FAM135B: variants seen among roughly 807,000 people sequenced by gnomAD.
FAM135B encodes the protein family with sequence similarity 135 member B.
A neutral mutation model predicts 127.7 loss-of-function variants in FAM135B; 43 were observed. That is an observed-to-expected ratio of 0.34 (90% CI 0.26 to 0.43). The LOEUF is 0.43. FAM135B is among the 20% of genes least tolerant of loss of function. The pLI is 1.00. For missense variants in FAM135B, 1,558 were observed against 1,725.6 expected, an observed-to-expected ratio of 0.90 and a Z score of 1.72; for synonymous variants, 670 against 665.1, an observed-to-expected ratio of 1.01 and a Z score of -0.11.
chr8:138,484,833 A>G (rs1403187365), intron 1 of FAM135B, among the ~76,000 whole-genome samples: 1 of 151,544 alleles, frequency 6.6e-6, no homozygotes, highest in Non-Finnish European at 1.5e-5. Flanking sequence ...GGCCAACACA[A>G]GCTGGCCTGT....
chr8:138,385,105 A>G (rs144778923), intron 1 of FAM135B, among the ~76,000 whole-genome samples: 1 of 152,176 alleles, frequency 6.6e-6, no homozygotes, highest in Non-Finnish European at 1.5e-5. Flanking sequence ...CAGCTCAGAT[A>G]TGCCTGAGGC....
At chr8:138,251,050 G>A (rs2130491056) in intron 5 of FAM135B, 36 bp from the exon 6 acceptor site, 1 of 1,610,474 alleles carries the variant, frequency 6.2e-7, no homozygotes, top group South Asian at 1.1e-5. Context: ...GTGAGAAATG[G>A]TGGGTTGCCC....
intron 1 of FAM135B, among the ~76,000 whole-genome samples, chr8:138,472,651 GTGTTAAAGGGT>G (rs1202305130): frequency 3.9e-5 from 6 of 152,100 alleles, no homozygotes; most frequent in Non-Finnish European, 7.4e-5. Flanking sequence ...GAGGAAGGAG[GTGTTAAAGGGT>G]TGTCCAGCAA....
intron 1 of FAM135B, among the ~76,000 whole-genome samples, chr8:138,487,633 GT>G (rs1815030275): frequency 4.0e-5 from 6 of 148,518 alleles, no homozygotes; most frequent in African/African-American, 1.3e-4. Context: ...CTAGGTGTGT[GT>G]GGGGGTGGGG....
chr8:138,389,191 A>G (rs897865873), intron 1 of FAM135B, among the ~76,000 whole-genome samples: 8 of 152,240 alleles, frequency 5.3e-5, no homozygotes, highest in Admixed American at 5.2e-4. Context: ...GAGCCCTTAT[A>G]CATTGTTGGT....
chr8:138,242,801 G>C lies in FAM135B; in HGVS notation c.669+141C>G. 1 of 1,085,116 alleles carries C rather than the reference G, an allele frequency of 9.2e-7. No homozygotes were observed. The highest frequency in any genetic ancestry group is 1.8e-5 in the South Asian group (1 of 55,832). The allele number at this position is 1,085,116 out of a possible 1,614,324, so 67.2% of individuals were successfully genotyped here. On this transcript the variant is annotated intron_variant, in intron 7 of 19. Transcript: ENST00000395297. This position sits in a 1 kb window ranked among gnomAD's most constrained non-coding sequence, Gnocchi z 9.6. ...GAGCTTGTAGTGATAAAAACAAGGG[G>C]TGGGAAGATGGTGAAAGGAAGGGTC...
intron 2 of FAM135B, among the ~76,000 whole-genome samples, chr8:138,348,751 A>G (rs1829586122): frequency 6.6e-6 from 1 of 152,224 alleles, no homozygotes. Flanking sequence ...AGTGAATCCA[A>G]TTGATCTTCC....
At chr8:138,375,989 C>CTTGTT (rs1210669532) in intron 1 of FAM135B, among the ~76,000 whole-genome samples, 101 of 152,104 alleles carry the variant, frequency 6.6e-4, no homozygotes, top group African/African-American at 1.2e-3. Context: ...TATTTTTTTG[C>CTTGTT]TTGTTTTGTT....
rs909747046 is a variant in FAM135B, at chr8:138,243,110, A to T, written c.543-42T>A. The T allele has an allele frequency of 2.5e-6, 4 of 1,582,056 alleles. No homozygotes were observed. The African/African-American group carries it at 4.1e-5, about 16-fold the overall frequency. ...TGAAAGGGTGAAAAAGGAGGTAAAG[A>T]AAGTGATGGTGCCATTAACTCAGCC... On this transcript the variant is annotated intron_variant, in intron 6 of 19. Coordinates refer to ENST00000395297, the MANE Select transcript of FAM135B (RefSeq NM_015912.4). The surrounding 1 kb of genome is among the most constrained non-coding windows in gnomAD (Gnocchi z 7.5).
intron 1 of FAM135B, among the ~76,000 whole-genome samples, chr8:138,400,158 C>T (rs1040362855): frequency 2.6e-5 from 4 of 152,168 alleles, no homozygotes; most frequent in African/African-American, 4.8e-5. Flanking sequence ...CACAGCAAGG[C>T]TTGGCTGGGA....
At chr8:138,344,654 C>A (rs1212241172) in intron 2 of FAM135B, among the ~76,000 whole-genome samples, 1 of 148,300 alleles carries the variant, frequency 6.7e-6, no homozygotes, top group East Asian at 2.1e-4. Flanking sequence ...CAGCTCACTG[C>A]AATCTCCGCC....
intron 2 of FAM135B, among the ~76,000 whole-genome samples, chr8:138,359,011 A>G (rs940223609): frequency 2.6e-5 from 4 of 152,154 alleles, no homozygotes; most frequent in African/African-American, 9.7e-5. Context: ...TCATGAAGTC[A>G]CAGATTAAAA....
intron 2 of FAM135B, among the ~76,000 whole-genome samples, chr8:138,360,083 A>C (rs1830326121): frequency 6.6e-6 from 1 of 152,200 alleles, no homozygotes; most frequent in South Asian, 2.1e-4. Context: ...TGATATGTAA[A>C]GAAGGAGAGG....
At chr8:138,356,360 T>C (rs565100942) in intron 2 of FAM135B, among the ~76,000 whole-genome samples, 1 of 152,234 alleles carries the variant, frequency 6.6e-6, no homozygotes, top group Non-Finnish European at 1.5e-5. Context: ...ATGAATTCTT[T>C]CAAGTGGCCA....
chr8:138,387,469 TCTC>T (rs756795643), intron 1 of FAM135B, among the ~76,000 whole-genome samples: 32 of 152,160 alleles, frequency 2.1e-4, no homozygotes, highest in Non-Finnish European at 4.6e-4. Flanking sequence ...TCCTCTCTTT[TCTC>T]CTTTTGCTCA....
At chr8:138,460,439 A>G (rs1837054231) in intron 1 of FAM135B, among the ~76,000 whole-genome samples, 1 of 152,164 alleles carries the variant, frequency 6.6e-6, no homozygotes, top group Admixed American at 6.5e-5. Flanking sequence ...CTGGAAGTGA[A>G]GATAAAGGGA....
At chr8:138,202,498 T>C (rs1460887187) in intron 7 of FAM135B, among the ~76,000 whole-genome samples, 2 of 152,122 alleles carry the variant, frequency 1.3e-5, no homozygotes, top group Non-Finnish European at 2.9e-5. Context: ...TGATCCTCTC[T>C]CCTCAGCCTC....
intron 7 of FAM135B, among the ~76,000 whole-genome samples, chr8:138,213,909 C>T (rs925280619): frequency 3.3e-5 from 5 of 151,730 alleles, no homozygotes; most frequent in Admixed American, 3.3e-4. Context: ...GAAGTCTGCT[C>T]TCAACCCAAC....
intron 1 of FAM135B, among the ~76,000 whole-genome samples, chr8:138,395,946 T>C (rs993224175): frequency 2.0e-5 from 3 of 152,240 alleles, no homozygotes; most frequent in Non-Finnish European, 4.4e-5. Context: ...CACAAATGGA[T>C]GAATTACTCG....
Sources: gnomAD v4.1 joint callset for allele counts (sites outside exome capture counted in the v4.1 genomes callset) on GRCh38, gnomAD v4.1.1 for gene constraint, Gnocchi (gnomAD v3.1) non-coding constraint, MANE v1.5 for transcripts, NCBI Gene and HGNC (gene_info 2026-07-23, HGNC 2026-07-21) for gene names.